The following TTLL8 variants were observed in gnomAD, a reference collection of about 807,000 sequenced individuals.
The protein encoded by TTLL8 is tubulin tyrosine ligase like 8.
Under a neutral mutation model 77.8 loss-of-function variants are expected in TTLL8, and 65 were observed. The ratio of observed to expected loss-of-function variants is 0.84; its 90% CI spans 0.68 to 1.03. TTLL8 has a LOEUF of 1.03. Ranked by LOEUF, TTLL8 falls within the 50% of genes least tolerant of loss-of-function variation. The pLI is 0.00. For synonymous variants in TTLL8, 402 were observed against 422.8 expected, an observed-to-expected ratio of 0.95 and a Z score of 0.60; for missense variants, 910 against 1,004.5, an observed-to-expected ratio of 0.91 and a Z score of 1.27.
chr22:50,030,065 G>A lies in TTLL8; in HGVS notation c.2203+365C>T, dbSNP rs139110199. On this transcript the variant is annotated intron_variant, in intron 12 of 13. Coordinates refer to ENST00000266182, the Ensembl canonical transcript of TTLL8. ...CCGCGGTCACTTTGGCCCCTCGCTC[G>A]GCCAGGGAGCTTGGTGCTGTTCACG... 8.6e-3 allele frequency: 6,437 copies of A among 747,844 alleles called. 35 individuals are homozygous for A. The highest frequency in any genetic ancestry group is 0.01 in the Non-Finnish European group (6,164 of 612,798). 46.3% of individuals were successfully genotyped at this position (747,844 alleles called of 1,614,324 possible).
Position 50,041,086 on chromosome 22 carries a change from G to A in TTLL8, c.921+101C>T, listed in dbSNP as rs73893119. On this transcript the variant is annotated intron_variant, in intron 8 of 13. Coordinates refer to ENST00000266182, the Ensembl canonical transcript of TTLL8. The surrounding 1 kb of genome is among the most constrained non-coding windows in gnomAD (Gnocchi z 4.3). Reference sequence around the variant, plus strand: ...CTCGGCACACCTCTGCCAGTCACTCGCCAGCTGCCAGGAGCTCTGGGCCCA... The same window carrying A: ...CTCGGCACACCTCTGCCAGTCACTCACCAGCTGCCAGGAGCTCTGGGCCCA... 0.011 allele frequency: 3,962 copies of A among 346,634 alleles called. 142 individuals are homozygous for A. Among genetic ancestry groups the A allele is most frequent in the African/African-American group, 0.084 (3,671 of 43,940 alleles). 21.5% of individuals were successfully genotyped at this position (346,634 alleles called of 1,614,324 possible). A position where few individuals can be genotyped will look rare whatever the true frequency, so the allele number is the denominator to read the frequency against.
intron 12 of TTLL8, among the ~76,000 whole-genome samples, chr22:50,027,084 A>C (rs1395986525): frequency 6.6e-6 from 1 of 152,092 alleles, no homozygotes; most frequent in East Asian, 1.9e-4. Flanking sequence ...AAATACAAAA[A>C]AATTAGCTGG....
At chr22:50,019,845 T>C (rs190256070) in intron 12 of TTLL8, among the ~76,000 whole-genome samples, 1 of 152,350 alleles carries the variant, frequency 6.6e-6, no homozygotes, top group East Asian at 1.9e-4. Flanking sequence ...TGTACATGAT[T>C]ACATTAAACG....
At chr22:50,057,167 A>T (rs1210498778), upstream of TTLL8, among the ~76,000 whole-genome samples, 3 of 67,754 alleles carry the variant, frequency 4.4e-5, no homozygotes, top group Admixed American at 3.2e-4. Flanking sequence ...AGGTCTGGGG[A>T]TGGGAGTCAG....
At chr22:50,043,730 T>C (rs563546291) in intron 6 of TTLL8, among the ~76,000 whole-genome samples, 2 of 152,338 alleles carry the variant, frequency 1.3e-5, no homozygotes, top group African/African-American at 4.8e-5. Flanking sequence ...TGGAGGGATC[T>C]TAAATGCATA....
chr22:50,021,215 TCTGAC>T (rs2061196515), intron 12 of TTLL8, among the ~76,000 whole-genome samples: 1 of 135,260 alleles, frequency 7.4e-6, no homozygotes, highest in Non-Finnish European at 1.6e-5. Flanking sequence ...TACTCCTCCA[TCTGAC>T]GTGCACTCCT....
At chr22:50,025,140 TGAGAAGCTG>T (rs1449443048) in intron 12 of TTLL8, among the ~76,000 whole-genome samples, 3 of 152,126 alleles carry the variant, frequency 2.0e-5, no homozygotes, top group African/African-American at 7.2e-5. Context: ...ATTTAATGCC[TGAGAAGCTG>T]GACACCCTGT....
chr22:50,056,814 G>A (rs2061473164), upstream of TTLL8: 1 of 1,289,606 alleles, frequency 7.8e-7, no homozygotes, highest in Non-Finnish European at 1.0e-6. The surrounding 1 kb of genome is among the most constrained non-coding windows in gnomAD (Gnocchi z 4.1). Flanking sequence ...CACTGCCTCT[G>A]AGCCCGGGCC....
chr22:50,055,055 A>G (rs2061463689), upstream of TTLL8: 1 of 782,536 alleles, frequency 1.3e-6, no homozygotes, highest in South Asian at 5.8e-5. Context: ...GCAAGACTTC[A>G]TCTCAAAAAT....
At chr22:50,032,424 C>G (rs1393309100) in intron 10 of TTLL8, among the ~76,000 whole-genome samples, 1 of 152,220 alleles carries the variant, frequency 6.6e-6, no homozygotes, top group Non-Finnish European at 1.5e-5. Flanking sequence ...AGTTCCTGGA[C>G]CCCCTCCAGG....
chr22:50,052,224 G>C (rs1455977888), intron 1 of TTLL8, among the ~76,000 whole-genome samples: 1 of 152,178 alleles, frequency 6.6e-6, no homozygotes, highest in Non-Finnish European at 1.5e-5. Flanking sequence ...GAGAACGGTG[G>C]GGGAGCTGGA....
intron 8 of TTLL8, among the ~76,000 whole-genome samples, chr22:50,035,093 T>G (rs374893075): frequency 1.4e-4 from 22 of 151,834 alleles, no homozygotes; most frequent in Non-Finnish European, 2.9e-4. Flanking sequence ...AGTTCGGGGG[T>G]GCACTCCTGC....
intron 12 of TTLL8, among the ~76,000 whole-genome samples, chr22:50,028,388 A>G (rs941150684): frequency 3.3e-5 from 5 of 152,296 alleles, no homozygotes; most frequent in South Asian, 2.1e-4. Flanking sequence ...GGTGTCTGGG[A>G]GGCCACGTCA....
intron 1 of TTLL8, among the ~76,000 whole-genome samples, chr22:50,053,121 C>G (rs1229323954): frequency 1.3e-5 from 2 of 151,350 alleles, no homozygotes; most frequent in African/African-American, 4.9e-5. Flanking sequence ...ACTCAGGAGG[C>G]TGAGGCAGGA....
Position 50,044,839 on chromosome 22 carries a change from C to T in TTLL8, c.643+416G>A, listed in dbSNP as rs2061398202. ...GTCCAAAAACACGACGGCTGGTTCA[C>T]ATCCCTGTACCACCCAGGGGCGCCT... On this transcript the variant is annotated intron_variant, in intron 6 of 13. Transcript: ENST00000266182. The surrounding 1 kb of genome is among the most constrained non-coding windows in gnomAD (Gnocchi z 4.2). Among the ~76,000 whole-genome samples, 1 of 152,194 alleles carries T rather than the reference C, an allele frequency of 6.6e-6. No homozygotes were observed. Among genetic ancestry groups the T allele is most frequent in the Non-Finnish European group, 1.5e-5 (1 of 68,040 alleles).
At chr22:50,046,983 CA>C (rs2061416366) in intron 4 of TTLL8, 184 bp downstream of exon 6, 1 of 700,424 alleles carries the variant, frequency 1.4e-6, no homozygotes, top group African/African-American at 1.9e-5. Flanking sequence ...GCAAAGGGCA[CA>C]GGGGTGCTGG....
intron 6 of TTLL8, among the ~76,000 whole-genome samples, chr22:50,042,436 G>A (rs987932670): frequency 5.3e-5 from 8 of 152,080 alleles, no homozygotes; most frequent in East Asian, 3.9e-4. Context: ...TCAGCCTCCC[G>A]AACAGCTGGG....
rs770341104 is a variant in TTLL8, at chr22:50,045,382, G to C, written c.516C>G (p.Phe172Leu). ...GGATGCTGGATGCCATGGTGCGCCG[G>C]AAGTCTTCTGAAAGGACAGCACAGC... The change falls in exon 6 of 14, where the codon TTC becomes TTG. Residue 172 changes from phenylalanine to leucine, a missense_variant. Phe to Leu is a conservative substitution (Grantham distance 22). Around this residue, in one of 2 missense-constraint regions of TTLL8, gnomAD observed 776 missense variants for 926.1 expected, o/e 0.84. Coordinates refer to ENST00000266182, the Ensembl canonical transcript of TTLL8. The C allele has an allele frequency of 5.1e-6, 7 of 1,365,596 alleles. No individual in the cohort carries two copies. In the African/African-American group the frequency reaches 1.0e-4, roughly 20 times the overall value. 84.6% of individuals were successfully genotyped at this position (1,365,596 alleles called of 1,614,324 possible).
chr22:50,049,957 G>A (rs2061434919), intron 2 of TTLL8, 152 bp downstream of exon 4: 2 of 802,622 alleles, frequency 2.5e-6, no homozygotes, highest in Non-Finnish European at 3.0e-6. Context: ...GGGCAGGGAG[G>A]CCAGGAGGGT....
Sources: gnomAD v4.1 joint callset for allele counts (sites outside exome capture counted in the v4.1 genomes callset) on GRCh38, gnomAD v4.1.1 for gene constraint, gnomAD v4.1.1 regional missense constraint, Gnocchi (gnomAD v3.1) non-coding constraint, MANE v1.5 for transcripts, NCBI Gene and HGNC (gene_info 2026-07-23, HGNC 2026-07-21) for gene names.